SLC27A1: variants seen among roughly 807,000 people sequenced by gnomAD.
SLC27A1 encodes solute carrier family 27 member 1.
In SLC27A1, 61 loss-of-function variants were observed where a neutral mutation model predicts 62.2. The ratio of observed to expected loss-of-function variants is 0.98; its 90% CI spans 0.80 to 1.21. SLC27A1 has a LOEUF of 1.21. SLC27A1 is among the 50% of genes most tolerant of loss of function. The probability of loss-of-function intolerance (pLI) is 0.00; values close to 1 mark genes in which losing one functional copy is unlikely to be tolerated. For missense variants in SLC27A1, 903 were observed against 932.1 expected (o/e 0.97, Z 0.41); for synonymous variants, 435 against 408.6 (o/e 1.06, Z -0.78).
intron 1 of SLC27A1, among the ~76,000 whole-genome samples, chr19:17,474,671 C>T (rs1273580786): frequency 6.7e-6 from 1 of 149,608 alleles, no homozygotes; most frequent in Non-Finnish European, 1.5e-5. Flanking sequence ...CGCTTTGTCA[C>T]CCAGGCTGGA....
rs754260824 is a variant in SLC27A1 at position 17,500,753 on chromosome 19, C to T, written c.1513C>T (p.Arg505Trp). The change falls in exon 10 of 12, where the codon CGG (arginine) becomes TGG (tryptophan). Residue 505 changes from arginine to tryptophan, a missense_variant. Physicochemically the swap from Arg to Trp is moderately radical, Grantham distance 101. Transcript: ENST00000252595. Reference protein sequence around the residue: ...VMDELGYMYFRDRSGDTFRWR... With the variant: ...VMDELGYMYFWDRSGDTFRWR... ...GGATGAGCTGGGCTACATGTACTTC[C>T]GGGACCGTAGCGGGGACACCTTCCG... The T allele has an allele frequency of 4.6e-5, 75 of 1,613,816 alleles. No individual in the cohort carries two copies. The highest frequency in any genetic ancestry group is 3.7e-4 in the Admixed American group (22 of 59,938).
intron 1 of SLC27A1, among the ~76,000 whole-genome samples, chr19:17,476,219 C>G (rs1209777822): frequency 6.6e-6 from 1 of 152,086 alleles, no homozygotes; most frequent in African/African-American, 2.4e-5. Flanking sequence ...ACAGGAAGCC[C>G]TTAGAGCAGA....
rs557445942 is a variant in SLC27A1, at chr19:17,480,790, G to A, written c.168-5773G>A. ...TTGTAATCATCCCATTGTCCAGGTA[G>A]TGAACAGAATAGAATATCCAATAGG... On this transcript the variant is annotated intron_variant, in intron 1 of 11. Transcript: ENST00000252595. 3.9e-5 allele frequency among the ~76,000 whole-genome samples: 6 copies of A among 152,202 alleles called. No individual in the cohort carries two copies. In the South Asian group the frequency reaches 1.2e-3, roughly 32 times the overall value.
chr19:17,469,614 C>T (rs2075053417), upstream of SLC27A1, among the ~76,000 whole-genome samples: 1 of 152,132 alleles, frequency 6.6e-6, no homozygotes, highest in Non-Finnish European at 1.5e-5. Flanking sequence ...GCCGTCGCCT[C>T]TCCGGTCCGG....
chr19:17,487,067 A>T, intron 2 of SLC27A1, 107 bp from the exon 3 acceptor site: 1 of 1,573,636 alleles, frequency 6.4e-7, no homozygotes, highest in Admixed American at 1.7e-5. Context: ...GGACGTGGGC[A>T]TGAGGTGCAC....
chr19:17,501,837 T>C (rs1191953330), intron 11 of SLC27A1, among the ~76,000 whole-genome samples: 1 of 124,906 alleles, frequency 8.0e-6, no homozygotes, highest in African/African-American at 3.0e-5. Flanking sequence ...CCTGGCCGGG[T>C]GTGGTGGCTC....
intron 7 of SLC27A1, chr19:17,499,884 G>A (rs938316115): frequency 5.6e-5 from 11 of 197,468 alleles, no homozygotes; most frequent in Admixed American, 1.1e-4. Flanking sequence ...CAGACAGGGT[G>A]TAGTGGCTCA....
rs117026001 is a variant in SLC27A1 at position 17,489,442 on chromosome 19, C to T, written c.996+325C>T. On this transcript the variant is annotated intron_variant, in intron 6 of 11. Coordinates refer to ENST00000252595, the MANE Select transcript of SLC27A1 (RefSeq NM_198580.3). The stretch of plus-strand genomic sequence containing the variant: ...AAGTAGTGTTTCCTGAGTACCTGCT[C>T]TGTGTCCAGACCAGAGCTAAACCCT... Among the ~76,000 whole-genome samples the T allele has an allele frequency of 7.6e-3, 1,155 of 152,262 alleles. 5 individuals are homozygous for T. Among genetic ancestry groups the T allele is most frequent in the Non-Finnish European group, 0.012 (784 of 68,020 alleles).
At chr19:17,470,489 G>A (rs1438676215), upstream of SLC27A1, 5 of 1,461,220 alleles carry the variant, frequency 3.4e-6, no homozygotes, top group African/African-American at 6.0e-5. Flanking sequence ...GGAGCGGGTC[G>A]TGGGGCGGGG....
intron 1 of SLC27A1, among the ~76,000 whole-genome samples, chr19:17,482,511 C>A (rs189995188): frequency 6.6e-6 from 1 of 151,714 alleles, no homozygotes; most frequent in Admixed American, 6.6e-5. Flanking sequence ...ATTAGCTGGG[C>A]GTGGTAGCAT....
At chr19:17,500,461 G>A (rs781711851) in intron 8 of SLC27A1, 34 bp from the exon 9 acceptor site, 2 of 1,612,502 alleles carry the variant, frequency 1.2e-6, no homozygotes, top group Non-Finnish European at 1.7e-6. Flanking sequence ...CGCCCTGCCT[G>A]CCTAGCGCAG....
At chr19:17,493,427 CAAAAAAA>C (rs769247313) in intron 6 of SLC27A1, among the ~76,000 whole-genome samples, 3 of 72,034 alleles carry the variant, frequency 4.2e-5, no homozygotes, top group African/African-American at 1.9e-4. Flanking sequence ...AACTCCATCT[CAAAAAAA>C]AAAAAAAAAA....
chr19:17,502,663 C>T (rs1490522474), intron 11 of SLC27A1, among the ~76,000 whole-genome samples: 1 of 151,628 alleles, frequency 6.6e-6, no homozygotes, highest in Admixed American at 6.6e-5. Flanking sequence ...CTCGGTGTAT[C>T]TTTTCTTTTT....
chr19:17,485,421 C>G (rs2075219793), intron 1 of SLC27A1, among the ~76,000 whole-genome samples: 1 of 151,732 alleles, frequency 6.6e-6, no homozygotes, highest in African/African-American at 2.4e-5. Flanking sequence ...ATCTGCTGAC[C>G]TCATGATCCA....
At chr19:17,498,587 T>TGTGC (rs2075374484) in intron 7 of SLC27A1, 2 of 187,482 alleles carry the variant, frequency 1.1e-5, no homozygotes, top group Non-Finnish European at 2.2e-5. Context: ...TTTTTCTCCC[T>TGTGC]GTGTGCGGAG....
At chr19:17,482,912 C>T (rs1364584501) in intron 1 of SLC27A1, among the ~76,000 whole-genome samples, 1 of 152,072 alleles carries the variant, frequency 6.6e-6, no homozygotes, top group Non-Finnish European at 1.5e-5. Context: ...TAGAGATGCA[C>T]AGATGCTAGA....
Position 17,486,636 on chromosome 19 carries a change from A to G in SLC27A1, c.241A>G (p.Ile81Val), listed in dbSNP as rs746235981. 6 of 1,603,450 alleles carry G rather than the reference A, an allele frequency of 3.7e-6. No homozygotes were observed. The East Asian group carries it at 1.3e-4, about 36-fold the overall frequency. The part of the protein sequence containing the change: ...HQRAGHTIPR[I>V]FQAVVQRQPE... ...GCGTGCCGGCCACACCATCCCGCGC[A>G]TCTTTCAGGCGGTAGTGCAGCGACA... The change falls in exon 2 of 12, where the codon ATC (isoleucine) becomes GTC (valine). Residue 81 changes from isoleucine to valine, a missense_variant. Coordinates refer to ENST00000252595, the MANE Select transcript of SLC27A1 (RefSeq NM_198580.3). This position sits in a 1 kb window ranked among gnomAD's most constrained non-coding sequence, Gnocchi z 6.6.
chr19:17,470,314 G>A (rs1243816464), upstream of SLC27A1: 1 of 507,768 alleles, frequency 2.0e-6, no homozygotes, highest in Non-Finnish European at 3.3e-6. Flanking sequence ...CTAGTTAGCG[G>A]GCGGGTGTAA....
chr19:17,470,115 A>T (rs1347027115), upstream of SLC27A1, among the ~76,000 whole-genome samples: 2 of 152,084 alleles, frequency 1.3e-5, no homozygotes, highest in Admixed American at 1.3e-4. Flanking sequence ...GATAGAGGCT[A>T]GATGAAGGCA....
Sources: gnomAD v4.1 joint callset for allele counts (sites outside exome capture counted in the v4.1 genomes callset) on GRCh38, gnomAD v4.1.1 for gene constraint, Gnocchi (gnomAD v3.1) non-coding constraint, MANE v1.5 for transcripts, NCBI Gene and HGNC (gene_info 2026-07-23, HGNC 2026-07-21) for gene names.